The following UNC13C variants were observed in gnomAD, a reference collection of about 807,000 sequenced individuals.
UNC13C encodes the protein protein unc-13 homolog C.
In UNC13C, 174 loss-of-function variants were observed where a neutral mutation model predicts 245.4. The observed-to-expected ratio is 0.71, with a 90% CI of 0.63 to 0.80. UNC13C has a LOEUF of 0.80. UNC13C is among the 30% of genes least tolerant of loss of function. UNC13C has a pLI of 0.00. For missense variants in UNC13C, 2,829 were observed against 2,602.9 expected, an observed-to-expected ratio of 1.09 and a Z score of -1.89; for synonymous variants, 992 against 895.1, an observed-to-expected ratio of 1.11 and a Z score of -1.93.
the UNC13C span, among the ~76,000 whole-genome samples, chr15:53,958,744 T>C: frequency 6.6e-6 from 1 of 152,230 alleles, no homozygotes; most frequent in African/African-American, 2.4e-5. Context: ...CTATGTATAA[T>C]GCTCTAATCA....
intron 19 of UNC13C, among the ~76,000 whole-genome samples, chr15:54,478,179 A>G (rs376605294): frequency 2.7e-5 from 4 of 149,742 alleles, no homozygotes; most frequent in South Asian, 2.1e-4. Flanking sequence ...TTTTTATTGC[A>G]TCTATTTGAT....
the UNC13C span, among the ~76,000 whole-genome samples, chr15:53,889,201 T>C: frequency 2.0e-5 from 3 of 152,196 alleles, no homozygotes; most frequent in East Asian, 5.8e-4. Context: ...TGTTTTTCCA[T>C]TTGTTTGTGT....
chr15:53,842,735 C>T, the UNC13C span, among the ~76,000 whole-genome samples: 3 of 152,016 alleles, frequency 2.0e-5, no homozygotes, highest in South Asian at 4.1e-4. Context: ...TATAGTTTGA[C>T]AACTTGCACC....
chr15:54,024,601 C>G (rs1007634580), intron 2 of UNC13C, among the ~76,000 whole-genome samples: 12 of 152,124 alleles, frequency 7.9e-5, no homozygotes, highest in Non-Finnish European at 1.5e-4. Flanking sequence ...TCATTTCAGC[C>G]TATTGTATGC....
the UNC13C span, among the ~76,000 whole-genome samples, chr15:53,963,283 G>A: frequency 6.6e-6 from 1 of 152,160 alleles, no homozygotes; most frequent in Non-Finnish European, 1.5e-5. Context: ...TGTCTTCACA[G>A]CCTACCAAAC....
intron 24 of UNC13C, among the ~76,000 whole-genome samples, chr15:54,512,991 T>C (rs1894817921): frequency 6.6e-6 from 1 of 152,170 alleles, no homozygotes; most frequent in Non-Finnish European, 1.5e-5. Context: ...TTTAAAAAAA[T>C]GAACCTTTAT....
intron 2 of UNC13C, among the ~76,000 whole-genome samples, chr15:54,038,076 A>ATG (rs912991634): frequency 2.3e-5 from 3 of 130,996 alleles, no homozygotes; most frequent in Non-Finnish European, 3.1e-5. Flanking sequence ...TTGTATGTAT[A>ATG]TGTGTGTGTG....
At chr15:54,559,000 T>C (rs1897195455) in intron 29 of UNC13C, among the ~76,000 whole-genome samples, 1 of 151,956 alleles carries the variant, frequency 6.6e-6, no homozygotes, top group Non-Finnish European at 1.5e-5. Flanking sequence ...CCTGAAAAAA[T>C]GCTGAATGAT....
the UNC13C span, chr15:53,955,941 T>C: frequency 6.6e-6 from 1 of 152,200 alleles, no homozygotes; most frequent in Admixed American, 6.5e-5. Flanking sequence ...TTCCCATCAG[T>C]AGTGGAGTGG....
At chr15:54,136,656 T>A (rs8040583) in intron 2 of UNC13C, among the ~76,000 whole-genome samples, 2 of 151,902 alleles carry the variant, frequency 1.3e-5, no homozygotes, top group Non-Finnish European at 2.9e-5. Context: ...AGCTTTTCAC[T>A]GTCGAGTATG....
chr15:54,394,477 G>A lies in UNC13C; in HGVS notation c.4847+1296G>A, dbSNP rs918377609. On this transcript the variant is annotated intron_variant, in intron 18 of 32. Coordinates refer to ENST00000260323, the MANE Select transcript of UNC13C (RefSeq NM_001080534.3). ...TATAACATGTCGTCATCGCATCATG[G>A]GTCCTGGGAAGTACATCTCAGGTCT... Among the ~76,000 whole-genome samples the A allele has an allele frequency of 4.0e-5, 6 of 151,702 alleles. No individual in the cohort carries two copies. The Admixed American group carries it at 4.0e-4, about 10-fold the overall frequency.
intron 2 of UNC13C, among the ~76,000 whole-genome samples, chr15:54,085,635 A>T (rs559729167): frequency 6.6e-6 from 1 of 152,162 alleles, no homozygotes; most frequent in South Asian, 2.1e-4. Context: ...ATTTATAGAG[A>T]TAGGGTCTCC....
At chr15:54,432,204 G>A (rs557090732) in intron 19 of UNC13C, among the ~76,000 whole-genome samples, 34 of 151,716 alleles carry the variant, frequency 2.2e-4, no homozygotes, top group African/African-American at 7.7e-4. Context: ...AGAGTCCATA[G>A]AGTCAGGGAG....
At chr15:54,197,496 TAGAA>T (rs1414650576) in intron 4 of UNC13C, among the ~76,000 whole-genome samples, 1 of 152,012 alleles carries the variant, frequency 6.6e-6, no homozygotes, top group Non-Finnish European at 1.5e-5. Flanking sequence ...TAAGCACATT[TAGAA>T]AGACGCTGGA....
chr15:54,284,693 C>G (rs1452478072), intron 10 of UNC13C, among the ~76,000 whole-genome samples: 4 of 152,156 alleles, frequency 2.6e-5, no homozygotes, highest in Non-Finnish European at 5.9e-5. Context: ...TCGCTGATAT[C>G]TCTCTTCTTA....
At chr15:53,845,593 A>G in the UNC13C span, among the ~76,000 whole-genome samples, 4 of 152,194 alleles carry the variant, frequency 2.6e-5, no homozygotes, top group African/African-American at 4.8e-5. Context: ...TGCTTACTCT[A>G]TGCTAAGCAC....
intron 17 of UNC13C, among the ~76,000 whole-genome samples, chr15:54,362,867 C>T (rs890074830): frequency 3.3e-5 from 5 of 152,070 alleles, no homozygotes; most frequent in African/African-American, 1.2e-4. Context: ...ATAGACAGAT[C>T]ATGAAAGGCT....
intron 30 of UNC13C, among the ~76,000 whole-genome samples, chr15:54,576,548 CA>C (rs928212667): frequency 2.6e-5 from 4 of 152,158 alleles, no homozygotes; most frequent in African/African-American, 7.2e-5. Flanking sequence ...GCTCAGTAGC[CA>C]GGACACCTTT....
chr15:54,279,247 A>G (rs1488783852), intron 10 of UNC13C, among the ~76,000 whole-genome samples: 3 of 152,198 alleles, frequency 2.0e-5, no homozygotes, highest in Admixed American at 2.0e-4. Flanking sequence ...CTGAGGAATA[A>G]CCAACATTAC....
Sources: allele counts gnomAD v4.1 joint callset (sites outside exome capture counted in the v4.1 genomes callset), GRCh38; gene constraint gnomAD v4.1.1; transcripts MANE v1.5; gene names NCBI Gene and HGNC (gene_info 2026-07-23, HGNC 2026-07-21).